The following BTBD9 variants were observed in gnomAD, a reference collection of about 807,000 sequenced individuals.
The protein encoded by BTBD9 is BTB domain containing 9.
A neutral mutation model predicts 64.3 loss-of-function variants in BTBD9; 49 were observed. The observed-to-expected ratio is 0.76, with a 90% CI of 0.61 to 0.97. The LOEUF is 0.97. Among genes scored for constraint, BTBD9 ranks in the 50% least tolerant of loss-of-function variants. The probability of loss-of-function intolerance (pLI) is 0.00; values close to 1 mark genes in which losing one functional copy is unlikely to be tolerated. For missense variants in BTBD9, 598 were observed against 762.1 expected (o/e 0.78, Z 2.53); for synonymous variants, 260 against 274.7 (o/e 0.95, Z 0.53).
intron 6 of BTBD9, among the ~76,000 whole-genome samples, chr6:38,505,835 T>C (rs1006457520): frequency 2.0e-5 from 3 of 149,904 alleles, no homozygotes; most frequent in African/African-American, 7.4e-5. Context: ...TGTGGTGGCA[T>C]GCGTCTGTAG....
At chr6:38,229,212 C>A (rs866033658) in intron 9 of BTBD9, among the ~76,000 whole-genome samples, 6 of 147,758 alleles carry the variant, frequency 4.1e-5, no homozygotes, top group Non-Finnish European at 7.5e-5. Context: ...AAAAAAAAGT[C>A]TCTAAAAATC....
At chr6:38,392,634 G>C (rs995777878) in intron 6 of BTBD9, among the ~76,000 whole-genome samples, 1 of 152,162 alleles carries the variant, frequency 6.6e-6, no homozygotes, top group Non-Finnish European at 1.5e-5. Flanking sequence ...AAGTTTCAGA[G>C]ATATAAAGTA....
At chr6:38,414,758 G>A (rs1767590483) in intron 6 of BTBD9, among the ~76,000 whole-genome samples, 1 of 152,046 alleles carries the variant, frequency 6.6e-6, no homozygotes, top group Non-Finnish European at 1.5e-5. Flanking sequence ...CTGTTCATCA[G>A]TATCCTTCTC....
chr6:38,567,422 A>T (rs1460200126), intron 6 of BTBD9, among the ~76,000 whole-genome samples: 1 of 152,216 alleles, frequency 6.6e-6, no homozygotes, highest in South Asian at 2.1e-4. Context: ...AATTTGAAAC[A>T]TAAGTAAGGC....
At chr6:38,581,030 T>C (rs1324571081) in intron 4 of BTBD9, among the ~76,000 whole-genome samples, 1 of 152,008 alleles carries the variant, frequency 6.6e-6, no homozygotes, top group Non-Finnish European at 1.5e-5. Context: ...CCGTCTCAAC[T>C]AACAATACAA....
At chr6:38,475,945 C>A (rs1207835342) in intron 6 of BTBD9, among the ~76,000 whole-genome samples, 1 of 152,160 alleles carries the variant, frequency 6.6e-6, no homozygotes, top group Admixed American at 6.5e-5. Flanking sequence ...TATTCCCAGT[C>A]TGTTCTATGG....
chr6:38,555,819 C>T (rs1386442385), intron 6 of BTBD9, among the ~76,000 whole-genome samples: 2 of 152,210 alleles, frequency 1.3e-5, no homozygotes, highest in Non-Finnish European at 2.9e-5. Context: ...TTTTCAACCT[C>T]ACTTTTCTCT....
At chr6:38,341,783 C>T (rs965126462) in intron 7 of BTBD9, among the ~76,000 whole-genome samples, 1 of 152,178 alleles carries the variant, frequency 6.6e-6, no homozygotes, top group African/African-American at 2.4e-5. Flanking sequence ...CTGACTCTCC[C>T]AGGAAAGAAT....
chr6:38,188,764 G>A (rs1172804271), intron 10 of BTBD9, among the ~76,000 whole-genome samples: 1 of 152,202 alleles, frequency 6.6e-6, no homozygotes, highest in Non-Finnish European at 1.5e-5. Context: ...TTCAGCGGAG[G>A]TCATGAAGGT....
At chr6:38,549,574 T>C (rs1582617286) in intron 6 of BTBD9, among the ~76,000 whole-genome samples, 1 of 151,934 alleles carries the variant, frequency 6.6e-6, no homozygotes. Context: ...AAATGACAGC[T>C]GTCAGGAGAG....
In BTBD9 at chr6:38,283,990, C is replaced by T. The variant is rs565566852; in HGVS notation, c.1454+4282G>A. ...ATGTCTATCTGGCCACATCAACTGT[C>T]GCTAACTGAAGCCTGCCAAGATCTC... On this transcript the variant is annotated intron_variant, in intron 8 of 10. Transcript: ENST00000481247. Among the ~76,000 whole-genome samples, 7 of 152,302 alleles carry T rather than the reference C, an allele frequency of 4.6e-5. No homozygotes were observed. In the East Asian group the frequency reaches 5.8e-4, roughly 13 times the overall value.
chr6:38,446,365 A>C (rs1769278742), intron 6 of BTBD9, among the ~76,000 whole-genome samples: 1 of 152,132 alleles, frequency 6.6e-6, no homozygotes. Context: ...AAGAAAGAGA[A>C]TAGCTCTCTG....
intron 6 of BTBD9, among the ~76,000 whole-genome samples, chr6:38,381,765 C>T (rs557348690): frequency 1.3e-5 from 2 of 151,990 alleles, no homozygotes; most frequent in East Asian, 3.9e-4. Flanking sequence ...AACTGGAAAA[C>T]AATAACAACT....
At chr6:38,607,574 T>G (rs1188722422) in intron 1 of BTBD9, among the ~76,000 whole-genome samples, 2 of 152,140 alleles carry the variant, frequency 1.3e-5, no homozygotes, top group Non-Finnish European at 2.9e-5. Context: ...TATACATAAA[T>G]GAAACACTAT....
At chr6:38,430,781 C>A (rs902754515) in intron 6 of BTBD9, among the ~76,000 whole-genome samples, 1 of 151,926 alleles carries the variant, frequency 6.6e-6, no homozygotes, top group Non-Finnish European at 1.5e-5. Context: ...TTCCAAAGCG[C>A]TGGGATTACA....
chr6:38,428,086 G>T (rs568220367), intron 6 of BTBD9, among the ~76,000 whole-genome samples: 149 of 152,048 alleles, frequency 9.8e-4, no homozygotes, highest in Non-Finnish European at 1.7e-3. Flanking sequence ...TCTGAGGGCT[G>T]AAAGTTCTAG....
chr6:38,390,102 T>C (rs1766346573), intron 6 of BTBD9, among the ~76,000 whole-genome samples: 2 of 152,318 alleles, frequency 1.3e-5, no homozygotes, highest in Middle Eastern at 3.4e-3. Flanking sequence ...TGCCGTCACA[T>C]ATCTCAGAGT....
At chr6:38,351,789 GC>G (rs1764526600) in intron 6 of BTBD9, among the ~76,000 whole-genome samples, 1 of 151,944 alleles carries the variant, frequency 6.6e-6, no homozygotes, top group African/African-American at 2.4e-5. Flanking sequence ...ATGAGCCACC[GC>G]CCCAGCCGTA....
chr6:38,616,770 C>T (rs1430352714), intron 1 of BTBD9, among the ~76,000 whole-genome samples: 2 of 152,138 alleles, frequency 1.3e-5, no homozygotes, highest in African/African-American at 4.8e-5. Context: ...AGCAGCAACC[C>T]GCTCAGGTCC....
Sources: gnomAD v4.1 joint callset for allele counts (sites outside exome capture counted in the v4.1 genomes callset) on GRCh38, gnomAD v4.1.1 for gene constraint, MANE v1.5 for transcripts, NCBI Gene and HGNC (gene_info 2026-07-23, HGNC 2026-07-21) for gene names.